Variants in AK9 observed in about 807,000 individuals in gnomAD.
AK9 encodes adenylate kinase 9.
AK9 carries 191 observed loss-of-function variants against 239.6 expected under a neutral mutation model. The ratio of observed to expected loss-of-function variants is 0.80; its 90% CI spans 0.71 to 0.90. The LOEUF (loss-of-function observed/expected upper bound fraction) is 0.90. Ranked by LOEUF, AK9 falls within the 40% of genes least tolerant of loss-of-function variation. The pLI, the probability that AK9 is intolerant of heterozygous loss-of-function variation, is 0.00. For synonymous variants in AK9, 689 were observed against 721.0 expected (o/e 0.96, Z 0.71); for missense variants, 1,995 against 2,214.7 (o/e 0.90, Z 1.99).
At chr6:109,532,359 G>A (rs1781387892) in intron 28 of AK9, among the ~76,000 whole-genome samples, 1 of 152,174 alleles carries the variant, frequency 6.6e-6, no homozygotes, top group Non-Finnish European at 1.5e-5. Flanking sequence ...TCTTCGGTAT[G>A]AAAGCCCTTC....
rs184802245 is a variant in AK9 at position 109,625,973 on chromosome 6, C to A, written c.1255-6737G>T. 5.1e-4 allele frequency among the ~76,000 whole-genome samples: 78 copies of A among 152,062 alleles called. 1 individual carries two copies. In the East Asian group the frequency reaches 0.013, roughly 25 times the overall value. On this transcript the variant is annotated intron_variant, in intron 12 of 40. Transcript: ENST00000424296. Reference sequence around the variant, plus strand: ...CTTCTTCTGGGACTCCACTTACTCACATTAGACCATCTGATTTTCCCACAG... The same window carrying A: ...CTTCTTCTGGGACTCCACTTACTCAAATTAGACCATCTGATTTTCCCACAG...
chr6:109,576,420 CT>C (rs3060763), intron 20 of AK9, among the ~76,000 whole-genome samples: 10,761 of 103,390 alleles, frequency 0.1, 749 homozygotes, highest in African/African-American at 0.22. Context: ...CATATATATA[CT>C]TTTTTTTTTT....
chr6:109,495,664 T>C (rs1776958657), intron 38 of AK9, among the ~76,000 whole-genome samples: 1 of 152,158 alleles, frequency 6.6e-6, no homozygotes, highest in Non-Finnish European at 1.5e-5. Context: ...TTCACAGCAA[T>C]TATATAAAAC....
intron 1 of AK9, among the ~76,000 whole-genome samples, chr6:109,676,505 T>A (rs556714476): frequency 6.6e-6 from 1 of 152,208 alleles, no homozygotes; most frequent in South Asian, 2.1e-4. Flanking sequence ...TCATAAAATA[T>A]TTATATATAT....
intron 9 of AK9, among the ~76,000 whole-genome samples, chr6:109,642,583 C>A (rs1474654819): frequency 6.6e-6 from 1 of 152,126 alleles, no homozygotes; most frequent in Non-Finnish European, 1.5e-5. Flanking sequence ...CCCCTTGGAG[C>A]TTCTGCCCTC....
intron 9 of AK9, among the ~76,000 whole-genome samples, chr6:109,643,752 C>T (rs951244258): frequency 2.0e-5 from 3 of 152,150 alleles, no homozygotes; most frequent in Non-Finnish European, 4.4e-5. Context: ...CCCCATCCTC[C>T]TACGTTCCAG....
intron 26 of AK9, 110 bp from the exon 27 acceptor site, chr6:109,542,281 G>T: frequency 9.1e-7 from 1 of 1,094,862 alleles, no homozygotes; most frequent in Non-Finnish European, 1.3e-6. Flanking sequence ...GAGGTGGAGA[G>T]TAGAATGAAA....
chr6:109,514,530 G>GA (rs1052430650), intron 31 of AK9, 93 bp from the exon 32 acceptor site: 619 of 1,089,222 alleles, frequency 5.7e-4, no homozygotes, highest in Middle Eastern at 9.4e-4. Flanking sequence ...CGTGACATAA[G>GA]AAAAAAAAAT....
At chr6:109,562,591 T>C (rs903273934) in intron 24 of AK9, among the ~76,000 whole-genome samples, 1 of 152,194 alleles carries the variant, frequency 6.6e-6, no homozygotes, top group Non-Finnish European at 1.5e-5. Context: ...TGAGCATTGC[T>C]CTTGGACACA....
In AK9 at chr6:109,502,791, C is replaced by T. The variant is rs1181625664; in HGVS notation, c.4849+3536G>A. On this transcript the variant is annotated intron_variant, in intron 35 of 40. Transcript: ENST00000424296. ...AACTGAGGTCCTCAGTCCAGTAACA[C>T]TTAAGGAACGGAATCTTACCGACAT... Among the ~76,000 whole-genome samples, 2 of 152,198 alleles carry T rather than the reference C, an allele frequency of 1.3e-5. 1 individual carries two copies. The highest frequency in any genetic ancestry group is 2.9e-5 in the Non-Finnish European group (2 of 68,032).
At chr6:109,602,735 A>T (rs1792205168) in intron 17 of AK9, among the ~76,000 whole-genome samples, 1 of 152,004 alleles carries the variant, frequency 6.6e-6, no homozygotes, top group Non-Finnish European at 1.5e-5. Context: ...TGGTCTTTTC[A>T]CATAGTCCCA....
chr6:109,544,957 A>T (rs1396713235), intron 26 of AK9, among the ~76,000 whole-genome samples: 1 of 152,190 alleles, frequency 6.6e-6, no homozygotes, highest in African/African-American at 2.4e-5. Context: ...AATTTTTCTG[A>T]ATTTTTTTGG....
chr6:109,615,184 C>A (rs1354251780), intron 13 of AK9, among the ~76,000 whole-genome samples: 2 of 152,032 alleles, frequency 1.3e-5, no homozygotes, highest in African/African-American at 4.8e-5. Context: ...GGCATCCCAA[C>A]ACTTCAGTAT....
At chr6:109,577,547 C>T (rs886479025) in intron 20 of AK9, among the ~76,000 whole-genome samples, 2 of 151,950 alleles carry the variant, frequency 1.3e-5, no homozygotes, top group African/African-American at 2.4e-5. Flanking sequence ...GGAATAGTTT[C>T]AGTAAGATTG....
At chr6:109,523,382 A>G (rs1280477837) in intron 29 of AK9, among the ~76,000 whole-genome samples, 1 of 152,124 alleles carries the variant, frequency 6.6e-6, no homozygotes, top group Admixed American at 6.6e-5. Context: ...TGTATATTCT[A>G]AACTTCATGG....
At chr6:109,551,012 A>G (rs1292552610) in intron 24 of AK9, among the ~76,000 whole-genome samples, 2 of 152,060 alleles carry the variant, frequency 1.3e-5, no homozygotes, top group African/African-American at 2.4e-5. Context: ...TATCTCCCAG[A>G]CTCATTAAAA....
In AK9 at chr6:109,528,517, A is replaced by C. The variant is rs1447367683; in HGVS notation, c.3633+494T>G. 3 of 456,162 alleles carry C rather than the reference A, an allele frequency of 6.6e-6. No homozygotes were observed. In the Admixed American group the frequency reaches 7.1e-5, roughly 11 times the overall value. 28.3% of individuals were successfully genotyped at this position (456,162 alleles called of 1,614,324 possible). ...CATGGTGCCATAATTTTCTCAGTCCAATGGTTTTTTCTTATCTACTTTTGG... is the reference window on the plus strand; with the variant it reads ...CATGGTGCCATAATTTTCTCAGTCCCATGGTTTTTTCTTATCTACTTTTGG... On this transcript the variant is annotated intron_variant, in intron 29 of 40. Coordinates refer to ENST00000424296, the MANE Select transcript of AK9 (RefSeq NM_001145128.3).
chr6:109,605,185 C>A (rs1279042369), intron 17 of AK9, among the ~76,000 whole-genome samples: 1 of 152,048 alleles, frequency 6.6e-6, no homozygotes, highest in Admixed American at 6.6e-5. Context: ...CAAGTAGTCC[C>A]AGCTTCTTGA....
At chr6:109,507,652 A>G (rs1368986091) in intron 33 of AK9, among the ~76,000 whole-genome samples, 1 of 152,228 alleles carries the variant, frequency 6.6e-6, no homozygotes, top group African/African-American at 2.4e-5. Flanking sequence ...CAAGCTGGGC[A>G]TGCTGGCTGG....
Sources: allele counts gnomAD v4.1 joint callset (sites outside exome capture counted in the v4.1 genomes callset), GRCh38; gene constraint gnomAD v4.1.1; transcripts MANE v1.5; gene names NCBI Gene and HGNC (gene_info 2026-07-23, HGNC 2026-07-21).